TMEM63B: variants seen among roughly 807,000 people sequenced by gnomAD.
TMEM63B encodes mechanosensitive cation channel TMEM63B.
A neutral mutation model predicts 102.6 loss-of-function variants in TMEM63B; 23 were observed. The observed-to-expected ratio is 0.22, with a 90% CI of 0.16 to 0.32. TMEM63B has a LOEUF of 0.32. Ranked by LOEUF, TMEM63B falls within the 10% of genes least tolerant of loss-of-function variation. The probability of loss-of-function intolerance (pLI) is 1.00; values close to 1 mark genes in which losing one functional copy is unlikely to be tolerated. For synonymous variants in TMEM63B, 444 were observed against 437.0 expected (o/e 1.02, Z -0.20); for missense variants, 628 against 1,095.9 (o/e 0.57, Z 6.03).
intron 1 of TMEM63B, among the ~76,000 whole-genome samples, chr6:44,129,394 AAAAG>A (rs1777868917): frequency 1.3e-5 from 2 of 152,078 alleles, no homozygotes; most frequent in Non-Finnish European, 1.5e-5. Context: ...AAAGAAAAGA[AAAAG>A]AAAAAAAGTG....
intron 1 of TMEM63B, among the ~76,000 whole-genome samples, chr6:44,131,167 C>T (rs1220072244): frequency 6.6e-6 from 1 of 151,904 alleles, no homozygotes; most frequent in Admixed American, 6.6e-5. Flanking sequence ...ATCTGCCCAG[C>T]TCGGCCTCCC....
At chr6:44,154,515 C>T in intron 23 of TMEM63B, 70 bp downstream of exon 23, 1 of 1,589,862 alleles carries the variant, frequency 6.3e-7, no homozygotes, top group Non-Finnish European at 8.6e-7. Context: ...TCCCTTAGTC[C>T]TGCAGAAAGG....
At chr6:44,131,754 A>T (rs546005989) in intron 1 of TMEM63B, among the ~76,000 whole-genome samples, 4 of 143,588 alleles carry the variant, frequency 2.8e-5, no homozygotes, top group Non-Finnish European at 4.5e-5. Flanking sequence ...AAAAAAGCTT[A>T]TAAGTTATAG....
chr6:44,138,665 CGG>C, intron 6 of TMEM63B, 148 bp downstream of exon 6: 1 of 879,894 alleles, frequency 1.1e-6, no homozygotes, highest in East Asian at 2.7e-5. Flanking sequence ...GGCCAAGCCT[CGG>C]GTGCCTGAGC....
rs889564550 is a variant in TMEM63B, at chr6:44,148,109, C to T, written c.988-143C>T. Reference sequence around the variant, plus strand: ...CTACACTCCAGCCTGGGCATCAGAGCGAGACGCTGTTTCCAAAAAAAAAAA... The same window carrying T: ...CTACACTCCAGCCTGGGCATCAGAGTGAGACGCTGTTTCCAAAAAAAAAAA... On this transcript the variant is annotated intron_variant, in intron 12 of 23. Transcript: ENST00000323267. This position sits in a 1 kb window ranked among gnomAD's most constrained non-coding sequence, Gnocchi z 5.1. 4.8e-6 allele frequency: 6 copies of T among 1,260,488 alleles called. No homozygotes were observed. The highest frequency in any genetic ancestry group is 2.4e-5 in the East Asian group (1 of 42,216). The allele number at this position is 1,260,488 out of a possible 1,614,324, so 78.1% of individuals were successfully genotyped here. A position where few individuals can be genotyped will look rare whatever the true frequency, so the allele number is the denominator to read the frequency against.
chr6:44,148,711 G>A lies in TMEM63B; in HGVS notation c.1259+61G>A, dbSNP rs866260852. On this transcript the variant is annotated intron_variant, in intron 14 of 23. Transcript: ENST00000323267. The surrounding 1 kb of genome is among the most constrained non-coding windows in gnomAD (Gnocchi z 5.1). ...CCTGGGATGGGCTCAGTAGGTAGGC[G>A]GAGGAGAGGGAGTGTCTTGGTGTCA... 16 of 1,610,428 alleles carry A rather than the reference G, an allele frequency of 9.9e-6. No individual in the cohort carries two copies. The highest frequency in any genetic ancestry group is 1.6e-4 in the Middle Eastern group (1 of 6,072).
intron 10 of TMEM63B, among the ~76,000 whole-genome samples, chr6:44,142,596 T>C (rs1288542176): frequency 6.6e-6 from 1 of 152,146 alleles, no homozygotes; most frequent in Non-Finnish European, 1.5e-5. Context: ...TAGGAGCTAG[T>C]CCAGGGTCTG....
At chr6:44,135,759 C>T (rs544850634) in intron 4 of TMEM63B, among the ~76,000 whole-genome samples, 120 of 152,330 alleles carry the variant, frequency 7.9e-4, no homozygotes, top group African/African-American at 2.8e-3. Flanking sequence ...GTTCCCTGCT[C>T]ACCTCTTCTG....
At chr6:44,145,615 A>G (rs1017935240) in intron 10 of TMEM63B, among the ~76,000 whole-genome samples, 1 of 150,236 alleles carries the variant, frequency 6.7e-6, no homozygotes, top group African/African-American at 2.5e-5. Context: ...AACAAAAACA[A>G]AAACAAAAAC....
chr6:44,127,152 T>TCCCCTCCCCGTCGGGTCC (rs1777197500), upstream of TMEM63B: 1 of 108,804 alleles, frequency 9.2e-6, no homozygotes, highest in Non-Finnish European at 2.2e-5. Flanking sequence ...GTAAGGGGCC[T>TCCCCTCCCCGTCGGGTCC]CCCCTCCCCG....
chr6:44,133,001 G>C (rs1303557778), intron 1 of TMEM63B, among the ~76,000 whole-genome samples: 1 of 152,180 alleles, frequency 6.6e-6, no homozygotes, highest in South Asian at 2.1e-4. Flanking sequence ...CTGAGGCCCT[G>C]TGCCCCCACC....
chr6:44,153,500 A>G (rs1380632729), intron 20 of TMEM63B, among the ~76,000 whole-genome samples, 176 bp from the exon 21 acceptor site: 2 of 152,224 alleles, frequency 1.3e-5, no homozygotes, highest in Non-Finnish European at 2.9e-5. Context: ...GTTGTAGCGG[A>G]GGAAGCTGAA....
intron 10 of TMEM63B, among the ~76,000 whole-genome samples, chr6:44,144,418 A>G (rs902523391): frequency 3.9e-5 from 6 of 152,156 alleles, no homozygotes; most frequent in Non-Finnish European, 8.8e-5. Flanking sequence ...GGAAACCTCA[A>G]ATGGTTTGAG....
intron 4 of TMEM63B, 130 bp downstream of exon 4, chr6:44,135,496 G>A (rs892014608): frequency 8.4e-6 from 10 of 1,191,574 alleles, no homozygotes; most frequent in African/African-American, 1.5e-5. Flanking sequence ...CTCATGTTTC[G>A]GATTAACGCA....
Position 44,148,702 on chromosome 6 carries a change from TA to T in TMEM63B, c.1259+53del, listed in dbSNP as rs1401489827. 1 of 1,611,106 alleles carries T rather than the reference TA, an allele frequency of 6.2e-7. No homozygotes were observed. Among genetic ancestry groups the T allele is most frequent in the Non-Finnish European group, 8.5e-7 (1 of 1,177,754 alleles). On this transcript the variant is annotated intron_variant, in intron 14 of 23. Coordinates refer to ENST00000323267, the MANE Select transcript of TMEM63B (RefSeq NM_018426.3). The surrounding 1 kb of genome is among the most constrained non-coding windows in gnomAD (Gnocchi z 5.1). Reference sequence around the variant, plus strand: ...TTTCCAGGGCCTGGGATGGGCTCAGTAGGTAGGCGGAGGAGAGGGAGTGTCT... The same window carrying T: ...TTTCCAGGGCCTGGGATGGGCTCAGTGGTAGGCGGAGGAGAGGGAGTGTCT...
chr6:44,148,994 G>A lies in TMEM63B; in HGVS notation c.1413+49G>A, dbSNP rs376045463. On this transcript the variant is annotated intron_variant, in intron 15 of 23. Transcript: ENST00000323267. The surrounding 1 kb of genome is among the most constrained non-coding windows in gnomAD (Gnocchi z 5.1). ...TTTCCACGCTGGGTCACAACACACAGATACCAGGCCCTGATCCCTCTTCCA... is the reference window on the plus strand; with the variant it reads ...TTTCCACGCTGGGTCACAACACACAAATACCAGGCCCTGATCCCTCTTCCA... 1 of 1,613,346 alleles carries A rather than the reference G, an allele frequency of 6.2e-7. No individual in the cohort carries two copies. Among genetic ancestry groups the A allele is most frequent in the African/African-American group, 1.3e-5 (1 of 74,970 alleles).
chr6:44,154,479 A>T (rs1250707092), intron 23 of TMEM63B, 34 bp downstream of exon 23: 1 of 1,611,734 alleles, frequency 6.2e-7, no homozygotes, highest in African/African-American at 1.3e-5. Flanking sequence ...GGGGCCTCTG[A>T]CAGACTCAGC....
intron 10 of TMEM63B, among the ~76,000 whole-genome samples, chr6:44,144,792 C>T (rs747219117): frequency 1.2e-4 from 18 of 151,988 alleles, no homozygotes; most frequent in Non-Finnish European, 2.2e-4. Context: ...GAGACAGGGT[C>T]TCACTATGTT....
In TMEM63B at chr6:44,154,973, A is replaced by T. The variant is rs1483420184; in HGVS notation, c.*90A>T. The T allele has an allele frequency of 6.5e-6, 8 of 1,229,306 alleles. No individual in the cohort carries two copies. In the East Asian group the frequency reaches 2.2e-4, roughly 34 times the overall value. 76.1% of individuals were successfully genotyped at this position (1,229,306 alleles called of 1,614,324 possible). A position where few individuals can be genotyped will look rare whatever the true frequency, so the allele number is the denominator to read the frequency against. On this transcript the variant is annotated 3_prime_UTR_variant, in exon 24 of 24. Coordinates refer to ENST00000323267, the MANE Select transcript of TMEM63B (RefSeq NM_018426.3). ...AACGCTAATAATTTATTAGATCTAAAGCCCCTTCCTCCCCAGCCCCTGCTT... is the reference window on the plus strand; with the variant it reads ...AACGCTAATAATTTATTAGATCTAATGCCCCTTCCTCCCCAGCCCCTGCTT...
Sources: gnomAD v4.1 joint callset for allele counts (sites outside exome capture counted in the v4.1 genomes callset) on GRCh38, gnomAD v4.1.1 for gene constraint, Gnocchi (gnomAD v3.1) non-coding constraint, MANE v1.5 for transcripts, NCBI Gene and HGNC (gene_info 2026-07-23, HGNC 2026-07-21) for gene names.